Variants in PHF12 observed in about 807,000 individuals in gnomAD.
PHF12 encodes the protein PHD finger protein 12, also known as PHD factor 1.
In PHF12, 6 loss-of-function variants were observed where a neutral mutation model predicts 99.8. The observed-to-expected ratio is 0.06, with a 90% CI of 0.03 to 0.12. The LOEUF is 0.12. PHF12 is among the 10% of genes least tolerant of loss of function. The pLI is 1.00. For synonymous variants in PHF12, 480 were observed against 514.9 expected, an observed-to-expected ratio of 0.93 and a Z score of 0.92; for missense variants, 954 against 1,300.1, an observed-to-expected ratio of 0.73 and a Z score of 4.09.
Position 28,950,302 on chromosome 17 carries a change from C to A in PHF12, c.67-56G>T. On this transcript the variant is annotated intron_variant, in intron 1 of 14. Coordinates refer to ENST00000332830, the MANE Select transcript of PHF12 (RefSeq NM_001033561.2). The surrounding 1 kb of genome is among the most constrained non-coding windows in gnomAD (Gnocchi z 5.7). ...CACTCGGAGCTCCCGGGCGGTCCGT[C>A]GCCCCCCCGGCGCGGTTTCTCCGTC... 6.5e-7 allele frequency: 1 copy of A among 1,533,146 alleles called. No individual in the cohort carries two copies. The highest frequency in any genetic ancestry group is 1.2e-5 in the South Asian group (1 of 86,032). The allele number at this position is 1,533,146 out of a possible 1,614,324, so 95.0% of individuals were successfully genotyped here. A position where few individuals can be genotyped will look rare whatever the true frequency, so the allele number is the denominator to read the frequency against.
In PHF12 at chr17:28,951,126, C is replaced by G. The variant is rs1028058367; in HGVS notation, c.-166G>C. Reference sequence around the variant, plus strand: ...CCCCCACCCCCCGGCCCCCAGTCCCCGGGACGACAGCGTCCTCCCGACGGG... The same window carrying G: ...CCCCCACCCCCCGGCCCCCAGTCCCGGGGACGACAGCGTCCTCCCGACGGG... On this transcript the variant is annotated 5_prime_UTR_variant, in exon 1 of 15. Transcript: ENST00000332830. 8 of 1,443,058 alleles carry G rather than the reference C, an allele frequency of 5.5e-6. No individual in the cohort carries two copies. Among genetic ancestry groups the G allele is most frequent in the Non-Finnish European group, 7.3e-6 (8 of 1,100,528 alleles). 89.4% of individuals were successfully genotyped at this position (1,443,058 alleles called of 1,614,324 possible).
Position 28,912,594 on chromosome 17 carries a change from T to G in PHF12, c.1977A>C (p.Pro659=), listed in dbSNP as rs2039980716. The G allele has an allele frequency of 6.2e-7, 1 of 1,614,192 alleles. No individual in the cohort carries two copies. The highest frequency in any genetic ancestry group is 8.5e-7 in the Non-Finnish European group (1 of 1,180,030). Residue 659 remains proline (P), a synonymous_variant, in exon 9 of 15, where the codon CCA becomes CCC. Coordinates refer to ENST00000332830, the MANE Select transcript of PHF12 (RefSeq NM_001033561.2). ...GGGTGGCGTTTGGGGGTGAGCCCAGTGGCCTTGAATCTGTCAACGGAGGTC... is the reference window on the plus strand; with the variant it reads ...GGGTGGCGTTTGGGGGTGAGCCCAGGGGCCTTGAATCTGTCAACGGAGGTC... The part of the protein sequence containing the change: ...QIGPPLTDSR[P]LGSPPNATRV...
At position 28,905,264 on chromosome 17, in the gene PHF12, G is replaced by GT. The variant is rs2039853723; in HGVS notation, c.*918dup. ...TCAGAAAACAATTTGAAGTATTTTTGTTTTTTATATACAGAATACAGGAAA... is the reference window on the plus strand; with the variant it reads ...TCAGAAAACAATTTGAAGTATTTTTGTTTTTTTATATACAGAATACAGGAAA... On this transcript the variant is annotated 3_prime_UTR_variant, in exon 15 of 15. Transcript: ENST00000332830. The GT allele has an allele frequency of 6.6e-6, 1 of 152,508 alleles. No homozygotes were observed. Among genetic ancestry groups the GT allele is most frequent in the Non-Finnish European group, 1.5e-5 (1 of 68,018 alleles). The allele number at this position is 152,508 out of a possible 1,614,324, so 9.4% of individuals were successfully genotyped here.
intron 10 of PHF12, chr17:28,910,871 G>C: frequency 2.0e-6 from 1 of 505,480 alleles, no homozygotes; most frequent in Non-Finnish European, 3.5e-6. Flanking sequence ...GGTTCAGCTT[G>C]GCTCTGTCCT....
chr17:28,949,471 GCAAATCATATATGCAGC>G lies in PHF12; in HGVS notation c.248+577_248+593del, dbSNP rs2040770974. Among the ~76,000 whole-genome samples the G allele has an allele frequency of 6.6e-6, 1 of 152,218 alleles. No individual in the cohort carries two copies. Among genetic ancestry groups the G allele is most frequent in the African/African-American group, 2.4e-5 (1 of 41,458 alleles). ...CCCACCGTTCCCCCGAGAGACGTTTGCAAATCATATATGCAGCCAAAATGGCGCTGAGAATAAAAATA... is the reference window on the plus strand; with the variant it reads ...CCCACCGTTCCCCCGAGAGACGTTTGCAAAATGGCGCTGAGAATAAAAATA... On this transcript the variant is annotated intron_variant, in intron 2 of 14. Transcript: ENST00000332830. This position sits in a 1 kb window ranked among gnomAD's most constrained non-coding sequence, Gnocchi z 4.6.
At chr17:28,936,685 T>C (rs569590446) in intron 2 of PHF12, among the ~76,000 whole-genome samples, 1 of 152,276 alleles carries the variant, frequency 6.6e-6, no homozygotes, top group East Asian at 1.9e-4. Flanking sequence ...ACTGCCCCTA[T>C]CATCATCTGT....
intron 12 of PHF12, chr17:28,908,505 A>T (rs2039908427): frequency 2.5e-6 from 1 of 403,040 alleles, no homozygotes; most frequent in South Asian, 3.8e-5. Context: ...TTTTTGGTAG[A>T]GATAGGGTTT....
Position 28,906,644 on chromosome 17 carries a change from C to A in PHF12, c.2681-127G>T, listed in dbSNP as rs1183141232. ...TGCATGACTAGGGAGGAAGGATGCT[C>A]AGAAAGGGTTGGTGGAGTCTGAAGT... is the stretch of plus-strand genomic sequence containing the variant. On this transcript the variant is annotated intron_variant, in intron 14 of 14. Transcript: ENST00000332830. The surrounding 1 kb of genome is among the most constrained non-coding windows in gnomAD (Gnocchi z 4.2). 6 of 1,266,820 alleles carry A rather than the reference C, an allele frequency of 4.7e-6. No individual in the cohort carries two copies. In the Admixed American group the frequency reaches 7.9e-5, roughly 17 times the overall value. The allele number at this position is 1,266,820 out of a possible 1,614,324, so 78.5% of individuals were successfully genotyped here.
chr17:28,949,276 G>T lies in PHF12; in HGVS notation c.248+789C>A, dbSNP rs896209826. 6.6e-6 allele frequency among the ~76,000 whole-genome samples: 1 copy of T among 152,194 alleles called. No homozygotes were observed. Among genetic ancestry groups the T allele is most frequent in the African/African-American group, 2.4e-5 (1 of 41,458 alleles). Reference sequence around the variant, plus strand: ...CAATTTTAATTGTCTAACCCGGCCCGATTTCCTAAGAGGCAGCGGCGCCGG... The same window carrying T: ...CAATTTTAATTGTCTAACCCGGCCCTATTTCCTAAGAGGCAGCGGCGCCGG... On this transcript the variant is annotated intron_variant, in intron 2 of 14. Coordinates refer to ENST00000332830, the MANE Select transcript of PHF12 (RefSeq NM_001033561.2). The surrounding 1 kb of genome is among the most constrained non-coding windows in gnomAD (Gnocchi z 4.6).
Position 28,950,104 on chromosome 17 carries a change from C to T in PHF12, c.209G>A (p.Cys70Tyr). Residue 70 changes from cysteine (C) to tyrosine (Y), a missense_variant, in exon 2 of 15, where the codon TGC (cysteine) becomes TAC (tyrosine). This residue lies in a region of PHF12 where 10 missense variants were observed against 58.3 expected (regional missense o/e 0.17). Coordinates refer to ENST00000332830, the MANE Select transcript of PHF12 (RefSeq NM_001033561.2). The surrounding 1 kb of genome is among the most constrained non-coding windows in gnomAD (Gnocchi z 5.7). ...GAAGGCAGCCGGGCAGTGGTCGCAG[C>T]ACAGGAGATCTCCACCTTCCTTGCA... ...DSCKEGGDLL[C>Y]CDHCPAAFHL... 1 of 1,613,980 alleles carries T rather than the reference C, an allele frequency of 6.2e-7. No homozygotes were observed. Among genetic ancestry groups the T allele is most frequent in the Non-Finnish European group, 8.5e-7 (1 of 1,179,982 alleles).
chr17:28,923,829 CTCCA>C, intron 4 of PHF12, 76 bp downstream of exon 4: 2 of 1,466,242 alleles, frequency 1.4e-6, no homozygotes, highest in Non-Finnish European at 1.8e-6. Flanking sequence ...TGAACAGTGA[CTCCA>C]CAGGCAGCAC....
Position 28,950,285 on chromosome 17 carries a change from G to T in PHF12, c.67-39C>A, listed in dbSNP as rs749884663. 1 of 1,558,250 alleles carries T rather than the reference G, an allele frequency of 6.4e-7. No individual in the cohort carries two copies. The highest frequency in any genetic ancestry group is 1.4e-5 in the African/African-American group (1 of 72,528). The stretch of plus-strand genomic sequence containing the variant: ...CAAACGGCGTGTGTGCACACTCGGA[G>T]CTCCCGGGCGGTCCGTCGCCCCCCC... On this transcript the variant is annotated intron_variant, in intron 1 of 14. Transcript: ENST00000332830. This position sits in a 1 kb window ranked among gnomAD's most constrained non-coding sequence, Gnocchi z 5.7.
chr17:28,931,456 C>T lies in PHF12; in HGVS notation c.249-4393G>A, dbSNP rs534872836. 2.6e-5 allele frequency among the ~76,000 whole-genome samples: 4 copies of T among 151,408 alleles called. No individual in the cohort carries two copies. The South Asian group carries it at 8.3e-4, about 32-fold the overall frequency. On this transcript the variant is annotated intron_variant, in intron 2 of 14. Transcript: ENST00000332830. ...ATTTTTAGTAGAGATGGGGTTTCAC[C>T]ATGTTGGCCAGGCTGGTCTTGACCT...
intron 10 of PHF12, chr17:28,910,620 T>G (rs1486877201): frequency 1.8e-6 from 1 of 546,958 alleles, no homozygotes; most frequent in African/African-American, 1.9e-5. Flanking sequence ...TTAATTAAAG[T>G]GCCCCTAGAA....
In PHF12 at chr17:28,950,281, C is replaced by T. The variant is rs1567975424; in HGVS notation, c.67-35G>A. The T allele has an allele frequency of 6.4e-7, 1 of 1,566,190 alleles. No individual in the cohort carries two copies. Among genetic ancestry groups the T allele is most frequent in the South Asian group, 1.1e-5 (1 of 89,016 alleles). On this transcript the variant is annotated intron_variant, in intron 1 of 14. Coordinates refer to ENST00000332830, the MANE Select transcript of PHF12 (RefSeq NM_001033561.2). This position sits in a 1 kb window ranked among gnomAD's most constrained non-coding sequence, Gnocchi z 5.7. ...CATACAAACGGCGTGTGTGCACACT[C>T]GGAGCTCCCGGGCGGTCCGTCGCCC...
At position 28,950,509 on chromosome 17, in the gene PHF12, C is replaced by T. The variant is rs2040791456; in HGVS notation, c.67-263G>A. 3 of 558,570 alleles carry T rather than the reference C, an allele frequency of 5.4e-6. No homozygotes were observed. Among genetic ancestry groups the T allele is most frequent in the South Asian group, 2.2e-5 (1 of 45,160 alleles). 34.6% of individuals were successfully genotyped at this position (558,570 alleles called of 1,614,324 possible). A position where few individuals can be genotyped will look rare whatever the true frequency, so the allele number is the denominator to read the frequency against. On this transcript the variant is annotated intron_variant, in intron 1 of 14. Coordinates refer to ENST00000332830, the MANE Select transcript of PHF12 (RefSeq NM_001033561.2). The surrounding 1 kb of genome is among the most constrained non-coding windows in gnomAD (Gnocchi z 5.7). ...GGATGGGAAGAGGGTGCGCGGTTCC[C>T]TTCTTGCCACTTCCTTGTATGGACA...
intron 11 of PHF12, 56 bp downstream of exon 11, chr17:28,910,170 T>A (rs1555603243): frequency 2.5e-6 from 4 of 1,612,352 alleles, no homozygotes. Flanking sequence ...AAGGTGACCA[T>A]TCGCACACGT....
chr17:28,922,083 A>G (rs1222085989), intron 4 of PHF12, among the ~76,000 whole-genome samples: 2 of 152,222 alleles, frequency 1.3e-5, no homozygotes, highest in Non-Finnish European at 2.9e-5. Flanking sequence ...ATGGTCAGAA[A>G]TGCTAGGTTA....
chr17:28,909,024 C>G, intron 11 of PHF12, 143 bp from the exon 12 acceptor site: 1 of 734,462 alleles, frequency 1.4e-6, no homozygotes. Context: ...ACATCCAACA[C>G]TGAGCTGCGG....
Sources: allele counts gnomAD v4.1 joint callset (sites outside exome capture counted in the v4.1 genomes callset), GRCh38; gene constraint gnomAD v4.1.1; regional missense constraint gnomAD v4.1.1; non-coding constraint Gnocchi (gnomAD v3.1); transcripts MANE v1.5; gene names NCBI Gene and HGNC (gene_info 2026-07-23, HGNC 2026-07-21).